ATG7: variants seen among roughly 807,000 people sequenced by gnomAD.
The protein encoded by ATG7 is ubiquitin-like modifier-activating enzyme ATG7.
A neutral mutation model predicts 82.4 loss-of-function variants in ATG7; 70 were observed. The observed-to-expected ratio is 0.85, with a 90% CI of 0.70 to 1.04. ATG7 has a LOEUF of 1.04. Among genes scored for constraint, ATG7 ranks in the 50% least tolerant of loss-of-function variants. ATG7 has a pLI of 0.00. For missense variants in ATG7, 792 were observed against 864.3 expected (o/e 0.92, Z 1.05); for synonymous variants, 287 against 313.0 (o/e 0.92, Z 0.88).
At chr3:11,317,497 G>A (rs1229504024) in intron 9 of ATG7, among the ~76,000 whole-genome samples, 2 of 150,888 alleles carry the variant, frequency 1.3e-5, no homozygotes, top group African/African-American at 4.9e-5. Context: ...CCTGTGGTTA[G>A]TTAATTAGTA....
chr3:11,497,250 G>T (rs1383380922), intron 20 of ATG7, among the ~76,000 whole-genome samples: 2 of 148,958 alleles, frequency 1.3e-5, no homozygotes, highest in African/African-American at 4.9e-5. Context: ...AGTGGCTCAT[G>T]CCTGTAATCC....
At chr3:11,437,729 G>A (rs1032168849) in intron 20 of ATG7, among the ~76,000 whole-genome samples, 11 of 152,172 alleles carry the variant, frequency 7.2e-5, no homozygotes, top group South Asian at 2.1e-4. Flanking sequence ...CTCCCCCGAC[G>A]TCTTATCACA....
At chr3:11,549,247 T>C (rs181239369) in intron 20 of ATG7, among the ~76,000 whole-genome samples, 1 of 152,212 alleles carries the variant, frequency 6.6e-6, no homozygotes, top group African/African-American at 2.4e-5. Flanking sequence ...TTAGGGTTGT[T>C]TTCTTAAAAA....
At chr3:11,558,483 T>TG, downstream of ATG7, 1 of 1,479,492 alleles carries the variant, frequency 6.8e-7, no homozygotes, top group South Asian at 1.4e-5. Flanking sequence ...TGATTTTTTT[T>TG]TTTTTAAGTA....
intron 20 of ATG7, among the ~76,000 whole-genome samples, chr3:11,525,243 G>T (rs1430454372): frequency 2.0e-5 from 3 of 151,114 alleles, no homozygotes; most frequent in African/African-American, 7.4e-5. Flanking sequence ...GTTGGCCAGG[G>T]TTGTCTCGGA....
At chr3:11,551,496 C>T (rs2071777087) in intron 20 of ATG7, among the ~76,000 whole-genome samples, 1 of 152,240 alleles carries the variant, frequency 6.6e-6, no homozygotes, top group South Asian at 2.1e-4. Context: ...TCTTCTAGGA[C>T]TGTCGCAGCT....
chr3:11,573,886 G>C, the ATG7 span, among the ~76,000 whole-genome samples: 1 of 152,172 alleles, frequency 6.6e-6, no homozygotes, highest in Non-Finnish European at 1.5e-5. Flanking sequence ...GGTTATGAGG[G>C]CGTGCTCTAA....
At chr3:11,509,006 A>G (rs1334569866) in intron 20 of ATG7, among the ~76,000 whole-genome samples, 2 of 152,208 alleles carry the variant, frequency 1.3e-5, no homozygotes, top group African/African-American at 4.8e-5. Flanking sequence ...AAACAAACAG[A>G]TCCCTTGAGC....
intron 7 of ATG7, among the ~76,000 whole-genome samples, chr3:11,309,321 C>G (rs1415436856): frequency 6.6e-6 from 1 of 152,144 alleles, no homozygotes. Flanking sequence ...AAGTCAGGTT[C>G]AGGGAATGTG....
downstream of ATG7, chr3:11,558,893 G>A: frequency 6.4e-7 from 1 of 1,566,360 alleles, no homozygotes; most frequent in Non-Finnish European, 8.7e-7. Context: ...CACGGTTGCA[G>A]CACCCTCCCT....
chr3:11,437,709 C>T (rs1332793072), intron 20 of ATG7, among the ~76,000 whole-genome samples: 3 of 152,142 alleles, frequency 2.0e-5, no homozygotes, highest in Non-Finnish European at 4.4e-5. Context: ...TCTCTGTGTA[C>T]GTGCATGCAC....
At chr3:11,402,934 T>C (rs1339886332) in intron 19 of ATG7, among the ~76,000 whole-genome samples, 1 of 152,214 alleles carries the variant, frequency 6.6e-6, no homozygotes, top group Admixed American at 6.5e-5. Flanking sequence ...GTTTTAAAAA[T>C]ATTGAATATA....
downstream of ATG7, chr3:11,559,491 G>C (rs185766278): frequency 5.2e-5 from 79 of 1,519,042 alleles, no homozygotes; most frequent in Middle Eastern, 7.1e-4. Flanking sequence ...GTGGAGACCA[G>C]CTTCAGTACC....
intron 18 of ATG7, among the ~76,000 whole-genome samples, chr3:11,367,110 G>A (rs532612528): frequency 6.6e-6 from 1 of 151,970 alleles, no homozygotes. Context: ...AATCAGGGTT[G>A]TGTGGTCCCC....
At chr3:11,319,716 CACACA>C (rs1456367704) in intron 9 of ATG7, among the ~76,000 whole-genome samples, 2 of 152,224 alleles carry the variant, frequency 1.3e-5, no homozygotes, top group Admixed American at 1.3e-4. Flanking sequence ...TCTATCCAGT[CACACA>C]AGCCAGAAAT....
chr3:11,283,281 G>A (rs1196307198), intron 3 of ATG7, among the ~76,000 whole-genome samples: 7 of 151,738 alleles, frequency 4.6e-5, no homozygotes, highest in African/African-American at 1.7e-4. Context: ...TTTTCATAGT[G>A]AGCATGGGGA....
At position 11,368,379 on chromosome 3, in the gene ATG7, G is replaced by A. The variant is rs987681697; in HGVS notation, c.1875+3645G>A. Among the ~76,000 whole-genome samples, 9 of 152,162 alleles carry A rather than the reference G, an allele frequency of 5.9e-5. No individual in the cohort carries two copies. In the East Asian group the frequency reaches 1.2e-3, roughly 20 times the overall value. On this transcript the variant is annotated intron_variant, in intron 18 of 20. Transcript: ENST00000693202. ...AGTTCAGGATTTATAAAATGTACAGGCCACTCTTGATATCTCCAGGAAGTT... is the reference window on the plus strand; with the variant it reads ...AGTTCAGGATTTATAAAATGTACAGACCACTCTTGATATCTCCAGGAAGTT...
At chr3:11,411,942 CAG>C (rs2080942063) in intron 19 of ATG7, among the ~76,000 whole-genome samples, 1 of 149,964 alleles carries the variant, frequency 6.7e-6, no homozygotes, top group Admixed American at 6.7e-5. Flanking sequence ...TGTGGATATC[CAG>C]TTTTCCCAGT....
chr3:11,378,768 AGTTAACACTGT>A (rs1343574429), intron 18 of ATG7, among the ~76,000 whole-genome samples: 2 of 151,666 alleles, frequency 1.3e-5, no homozygotes, highest in East Asian at 3.9e-4. Context: ...ATGCACAAAC[AGTTAACACTGT>A]TACAGTGTGA....
Sources: gnomAD v4.1 joint callset for allele counts (sites outside exome capture counted in the v4.1 genomes callset) on GRCh38, gnomAD v4.1.1 for gene constraint, MANE v1.5 for transcripts, NCBI Gene and HGNC (gene_info 2026-07-23, HGNC 2026-07-21) for gene names.